The following PDZRN4 variants were observed in gnomAD, a reference collection of about 807,000 sequenced individuals.
PDZRN4 encodes PDZ domain containing ring finger 4.
A neutral mutation model predicts 99.0 loss-of-function variants in PDZRN4; 70 were observed. That is an observed-to-expected ratio of 0.71 (90% CI 0.58 to 0.86). The LOEUF (loss-of-function observed/expected upper bound fraction) is 0.86. Among genes scored for constraint, PDZRN4 ranks in the 40% least tolerant of loss-of-function variants. The pLI is 0.00. For missense variants in PDZRN4, 1,474 were observed against 1,331.2 expected, an observed-to-expected ratio of 1.11 and a Z score of -1.67; for synonymous variants, 551 against 501.6, an observed-to-expected ratio of 1.10 and a Z score of -1.32.
chr12:41,520,480 A>T (rs370441078), intron 5 of PDZRN4, among the ~76,000 whole-genome samples: 1 of 152,130 alleles, frequency 6.6e-6, no homozygotes, highest in East Asian at 1.9e-4. Context: ...TTTAGAACTG[A>T]GACTCTTTGG....
At chr12:41,342,766 A>T (rs1414371286) in intron 3 of PDZRN4, among the ~76,000 whole-genome samples, 1 of 151,970 alleles carries the variant, frequency 6.6e-6, no homozygotes, top group African/African-American at 2.4e-5. Context: ...GTGGGATTGT[A>T]AATTAGTGCA....
chr12:41,259,839 T>C (rs1250024867), intron 3 of PDZRN4, among the ~76,000 whole-genome samples: 1 of 152,146 alleles, frequency 6.6e-6, no homozygotes, highest in African/African-American at 2.4e-5. Flanking sequence ...CTATTTCACT[T>C]ACTAGGATTA....
intron 3 of PDZRN4, among the ~76,000 whole-genome samples, chr12:41,371,208 A>G (rs982220821): frequency 9.3e-5 from 14 of 150,784 alleles, no homozygotes; most frequent in African/African-American, 3.4e-4. Context: ...ATATCCCAGG[A>G]CCAATCTTTC....
In PDZRN4 at chr12:41,539,115, C is replaced by T. The variant is rs143437218; in HGVS notation, c.1204-13541C>T. ...TATGTGTGTATATATATATATTATGCGTAAATATAATATATATATTTTGTG... is the reference window on the plus strand; with the variant it reads ...TATGTGTGTATATATATATATTATGTGTAAATATAATATATATATTTTGTG... On this transcript the variant is annotated intron_variant, in intron 5 of 9. Transcript: ENST00000402685. Among the ~76,000 whole-genome samples, 16 of 151,700 alleles carry T rather than the reference C, an allele frequency of 1.1e-4. No homozygotes were observed. The East Asian group carries it at 1.7e-3, about 17-fold the overall frequency.
chr12:41,356,905 T>C (rs1020109502), intron 3 of PDZRN4, among the ~76,000 whole-genome samples: 4 of 151,992 alleles, frequency 2.6e-5, no homozygotes, highest in Admixed American at 6.6e-5. Context: ...TGTTGAGTGA[T>C]TTTAAGATTC....
At chr12:41,555,100 A>G (rs978194714) in intron 6 of PDZRN4, among the ~76,000 whole-genome samples, 6 of 149,322 alleles carry the variant, frequency 4.0e-5, no homozygotes, top group Non-Finnish European at 5.9e-5. Context: ...GCGTGGTGGC[A>G]GGCATCTGTA....
intron 3 of PDZRN4, among the ~76,000 whole-genome samples, chr12:41,323,155 T>A (rs2120977615): frequency 6.6e-6 from 1 of 152,300 alleles, no homozygotes; most frequent in Admixed American, 6.5e-5. Context: ...CAGGATAAAG[T>A]TCTCTGCTTT....
At chr12:41,543,450 T>C (rs1253245375) in intron 5 of PDZRN4, among the ~76,000 whole-genome samples, 2 of 152,092 alleles carry the variant, frequency 1.3e-5, no homozygotes, top group African/African-American at 2.4e-5. Context: ...ATTTATAACA[T>C]AAAATTTGTA....
intron 3 of PDZRN4, among the ~76,000 whole-genome samples, chr12:41,379,251 G>A (rs1372236785): frequency 7.6e-6 from 1 of 131,012 alleles, no homozygotes; most frequent in African/African-American, 2.8e-5. Flanking sequence ...TCTATTTTCT[G>A]TTTTTTTTTT....
At chr12:41,395,778 G>T (rs1296686843) in intron 3 of PDZRN4, among the ~76,000 whole-genome samples, 1 of 152,064 alleles carries the variant, frequency 6.6e-6, no homozygotes, top group Non-Finnish European at 1.5e-5. Context: ...TGGAAGACTG[G>T]ACACACATTG....
In PDZRN4 at chr12:41,552,764, G is replaced by T. The variant is rs376680058; in HGVS notation, c.1302+10G>T. On this transcript the variant is annotated intron_variant, in intron 6 of 9. Coordinates refer to ENST00000402685, the MANE Select transcript of PDZRN4 (RefSeq NM_001164595.2). ...CATTTATGTCAGCGAGGTAAGAAAC[G>T]CCATGGAGGGGAAATTCGAGGAGGG... 1.3e-6 allele frequency: 2 copies of T among 1,599,344 alleles called. No individual in the cohort carries two copies. The highest frequency in any genetic ancestry group is 2.2e-5 in the East Asian group (1 of 44,760).
intron 3 of PDZRN4, among the ~76,000 whole-genome samples, chr12:41,299,986 A>G (rs768850605): frequency 1.3e-5 from 2 of 151,946 alleles, no homozygotes; most frequent in Non-Finnish European, 2.9e-5. Context: ...CTGTTTATCT[A>G]TTTTGATCTC....
intron 3 of PDZRN4, among the ~76,000 whole-genome samples, chr12:41,443,920 A>G (rs1340473267): frequency 2.0e-5 from 3 of 152,152 alleles, no homozygotes; most frequent in Non-Finnish European, 4.4e-5. Context: ...GAGATCACCC[A>G]GGCAGATGTG....
intron 3 of PDZRN4, among the ~76,000 whole-genome samples, chr12:41,494,894 TTGTCC>T (rs1365776873): frequency 6.6e-6 from 1 of 152,184 alleles, no homozygotes; most frequent in Non-Finnish European, 1.5e-5. Context: ...TGTTCAAATT[TTGTCC>T]TGTCCTTTCA....
At position 41,283,413 on chromosome 12, in the gene PDZRN4, G is replaced by A. The variant is rs1002113221; in HGVS notation, c.843+89225G>A. On this transcript the variant is annotated intron_variant, in intron 3 of 9. Transcript: ENST00000402685. ...AAGCCCAGGACCAGACAGATTCACA[G>A]CCGAATTCTACCAGAGGTACAAAGT... 5.3e-5 allele frequency among the ~76,000 whole-genome samples: 8 copies of A among 152,256 alleles called. 1 individual carries two copies. The highest frequency in any genetic ancestry group is 4.6e-4 in the Admixed American group (7 of 15,290).
At chr12:41,276,009 C>T (rs573089715) in intron 3 of PDZRN4, among the ~76,000 whole-genome samples, 27 of 152,230 alleles carry the variant, frequency 1.8e-4, no homozygotes, top group Admixed American at 3.3e-4. Context: ...ATATGCTTTT[C>T]TATCTTGGTA....
intron 3 of PDZRN4, among the ~76,000 whole-genome samples, chr12:41,502,537 C>T (rs1938129467): frequency 6.6e-6 from 1 of 152,068 alleles, no homozygotes; most frequent in Non-Finnish European, 1.5e-5. Flanking sequence ...TGCTCCTAAC[C>T]ATATTCATAT....
At chr12:41,537,457 T>A (rs1938768020) in intron 5 of PDZRN4, among the ~76,000 whole-genome samples, 1 of 152,118 alleles carries the variant, frequency 6.6e-6, no homozygotes, top group Admixed American at 6.6e-5. Context: ...ACATTTTTTG[T>A]GAGGAGGAAG....
chr12:41,354,815 C>T (rs1256953376), intron 3 of PDZRN4, among the ~76,000 whole-genome samples: 3 of 152,050 alleles, frequency 2.0e-5, no homozygotes, highest in Non-Finnish European at 4.4e-5. Flanking sequence ...GGACACTCCT[C>T]CATCACATTC....
Sources: allele counts gnomAD v4.1 joint callset (sites outside exome capture counted in the v4.1 genomes callset), GRCh38; gene constraint gnomAD v4.1.1; transcripts MANE v1.5; gene names NCBI Gene and HGNC (gene_info 2026-07-23, HGNC 2026-07-21).